ATP13A1: variants seen among roughly 807,000 people sequenced by gnomAD.
ATP13A1 encodes ATPase 13A1, also known as endoplasmic reticulum transmembrane helix translocase.
ATP13A1 carries 55 observed loss-of-function variants against 134.8 expected under a neutral mutation model. The observed-to-expected ratio is 0.41, with a 90% CI of 0.33 to 0.51. The LOEUF (loss-of-function observed/expected upper bound fraction) is 0.51, where lower values mean the gene tolerates loss of function less well. ATP13A1 is among the 20% of genes least tolerant of loss of function. The pLI is 0.29. For missense variants in ATP13A1, 1,389 were observed against 1,652.8 expected, an observed-to-expected ratio of 0.84 and a Z score of 2.77; for synonymous variants, 775 against 725.1, an observed-to-expected ratio of 1.07 and a Z score of -1.10.
rs907835437 is a variant in ATP13A1, at chr19:19,650,076, C to T, written c.2336-136G>A. 9.1e-6 allele frequency: 7 copies of T among 768,146 alleles called. No individual in the cohort carries two copies. In the African/African-American group the frequency reaches 1.0e-4, roughly 11 times the overall value. The allele number at this position is 768,146 out of a possible 1,614,324, so 47.6% of individuals were successfully genotyped here. A position where few individuals can be genotyped will look rare whatever the true frequency, so the allele number is the denominator to read the frequency against. The stretch of plus-strand genomic sequence containing the variant: ...ACCTCCCTACCCACCCAGGTGACCC[C>T]CAGCCCTTCTCTGGGGACTCCACAA... On this transcript the variant is annotated intron_variant, in intron 17 of 25. Coordinates refer to ENST00000357324, the MANE Select transcript of ATP13A1 (RefSeq NM_020410.3).
rs138162868 is a variant in ATP13A1 at position 19,659,704 on chromosome 19, C to T, written c.574G>A (p.Val192Met). ...DALEKKQFLP[V>M]AFPVGNAFSY... ...AAGGCGTTTCCCACAGGAAAGGCCACGGGGAGAAACTGCTTCTTCTCCAGG... is the reference window on the plus strand; with the variant it reads ...AAGGCGTTTCCCACAGGAAAGGCCATGGGGAGAAACTGCTTCTTCTCCAGG... The change falls in exon 3 of 26, where the codon GTG becomes ATG. Residue 192 changes from valine (V) to methionine (M), a missense_variant. Coordinates refer to ENST00000357324, the MANE Select transcript of ATP13A1 (RefSeq NM_020410.3). 733 of 1,613,816 alleles carry T rather than the reference C, an allele frequency of 4.5e-4. No individual in the cohort carries two copies. Among genetic ancestry groups the T allele is most frequent in the Non-Finnish European group, 4.6e-4 (545 of 1,179,888 alleles).
In ATP13A1 at chr19:19,657,109, T is replaced by C; in HGVS notation, c.791A>G (p.Tyr264Cys). The C allele has an allele frequency of 2.0e-6, 3 of 1,522,914 alleles. No homozygotes were observed. In the South Asian group the frequency reaches 4.0e-5, roughly 20 times the overall value. 94.3% of individuals were successfully genotyped at this position (1,522,914 alleles called of 1,614,324 possible). ...VGLWCLDEYW[Y>C]YSVFTLSMLV... ...CATGGATAGCGTAAAGACGCTGTAG[T>C]ACCAGTACTCATCCAGGCACCAGAG... The change falls in exon 5 of 26, where the codon TAC (tyrosine) becomes TGC (cysteine). Residue 264 changes from tyrosine (Y) to cysteine (C), a missense_variant. Physicochemically the swap from Tyr to Cys is radical, Grantham distance 194. Coordinates refer to ENST00000357324, the MANE Select transcript of ATP13A1 (RefSeq NM_020410.3).
At chr19:19,652,372 C>T (rs1037505581) in intron 16 of ATP13A1, among the ~76,000 whole-genome samples, 3 of 152,240 alleles carry the variant, frequency 2.0e-5, no homozygotes, top group Middle Eastern at 3.4e-3. Context: ...TCCCATGATG[C>T]GGGGAGTGAA....
chr19:19,662,013 G>A, intron 1 of ATP13A1: 1 of 1,548,164 alleles, frequency 6.5e-7, no homozygotes, highest in Non-Finnish European at 8.7e-7. Context: ...ACAGAAGGGG[G>A]AAACTGAAAC....
Position 19,647,585 on chromosome 19 carries a change from C to A in ATP13A1, c.2793+14G>T. The A allele has an allele frequency of 6.2e-7, 1 of 1,613,324 alleles. No homozygotes were observed. On this transcript the variant is annotated intron_variant, in intron 20 of 25. Transcript: ENST00000357324. The surrounding 1 kb of genome is among the most constrained non-coding windows in gnomAD (Gnocchi z 4.8). ...GCCAGGATGGGGTGCAGCACCTCCC[C>A]TCTTGGGACTCACCCTCTGGGAGGT... is the stretch of plus-strand genomic sequence containing the variant.
In ATP13A1 at chr19:19,659,946, T is replaced by G. The variant is rs1227963177; in HGVS notation, c.438A>C (p.Pro146=). The part of the protein sequence containing the change: ...PSKATFVKVV[P]TPNNGSTELV... ...GCTCCGTGGAGCCATTGTTGGGGGT[T>G]GGCACCACCTTCACAAAGGTCGCTT... Residue 146 remains proline, a synonymous_variant, in exon 2 of 26, where the codon CCA becomes CCC. Transcript: ENST00000357324. 2 of 1,585,658 alleles carry G rather than the reference T, an allele frequency of 1.3e-6. No individual in the cohort carries two copies. The highest frequency in any genetic ancestry group is 1.7e-6 in the Non-Finnish European group (2 of 1,167,386).
At chr19:19,658,436 C>T (rs1317070929) in intron 3 of ATP13A1, among the ~76,000 whole-genome samples, 5 of 152,208 alleles carry the variant, frequency 3.3e-5, no homozygotes, top group African/African-American at 9.7e-5. Flanking sequence ...GTAGTTGCCA[C>T]AGGCCATTAA....
In ATP13A1 at chr19:19,655,124, C is replaced by T. The variant is rs558065098; in HGVS notation, c.1650G>A (p.Gly550=). 11 of 1,613,706 alleles carry T rather than the reference C, an allele frequency of 6.8e-6. No individual in the cohort carries two copies. The highest frequency in any genetic ancestry group is 2.7e-5 in the African/African-American group (2 of 74,926). The change falls in exon 12 of 26, where the codon GGG becomes GGA. Residue 550 remains glycine, a synonymous_variant. Coordinates refer to ENST00000357324, the MANE Select transcript of ATP13A1 (RefSeq NM_020410.3). The surrounding 1 kb of genome is among the most constrained non-coding windows in gnomAD (Gnocchi z 5.7). ...SDSLVVRGVA[G]LRDGKEVTPV... The stretch of plus-strand genomic sequence containing the variant: ...GCAGGGCCCCTGATGCTTACCTCAG[C>T]CCGGCCACACCGCGCACCACCAGGC...
intron 12 of ATP13A1, among the ~76,000 whole-genome samples, 187 bp from the exon 13 acceptor site, chr19:19,654,887 T>A (rs1434314155): frequency 6.6e-6 from 1 of 152,222 alleles, no homozygotes. Flanking sequence ...GCATTGTGCC[T>A]GGGGGTCATG....
At chr19:19,659,839 T>C (rs1182027770) in intron 2 of ATP13A1, 48 bp from the exon 3 acceptor site, 3 of 1,599,738 alleles carry the variant, frequency 1.9e-6, no homozygotes, top group Non-Finnish European at 2.6e-6. Context: ...CCTTGGGGTG[T>C]CAGCGCCTGG....
Position 19,647,718 on chromosome 19 carries a change from G to C in ATP13A1, c.2674C>G (p.Arg892Gly). 1.2e-6 allele frequency: 2 copies of C among 1,607,510 alleles called. No individual in the cohort carries two copies. The highest frequency in any genetic ancestry group is 3.4e-5 in the Admixed American group (2 of 59,578). The change falls in exon 20 of 26, where the codon CGG becomes GGG. Residue 892 changes from arginine (R) to glycine (G), a missense_variant. Physicochemically the swap from Arg to Gly is moderately radical, Grantham distance 125. Around this residue, in one of 4 missense-constraint regions of ATP13A1, gnomAD observed 121 missense variants for 104.9 expected, o/e 1.15. Coordinates refer to ENST00000357324, the MANE Select transcript of ATP13A1 (RefSeq NM_020410.3). The surrounding 1 kb of genome is among the most constrained non-coding windows in gnomAD (Gnocchi z 4.8). ...GGGCTGTCCCGGGGCCGCCGTCGCC[G>C]CTCGACAACCCGCTCAGGGGCATTG... is the stretch of plus-strand genomic sequence containing the variant. ...LANAPERVVE[R>G]RRRPRDSPTL...
Position 19,663,338 on chromosome 19 carries a change from G to C in ATP13A1, c.329C>G (p.Ala110Gly), listed in dbSNP as rs777342734. The change falls in exon 1 of 26, where the codon GCG becomes GGG. Residue 110 changes from alanine (A) to glycine (G), a missense_variant. Ala to Gly is a moderately conservative substitution (Grantham distance 60). This residue lies in a region of ATP13A1 where 293 missense variants were observed against 270.8 expected (regional missense o/e 1.08). Transcript: ENST00000357324. ...CCCCGAGAGGACAGTGAGCGCGTGC[G>C]CGAGGCAGATGGTGGCAAGCACGAG... ...ALLVLATICL[A>G]HALTVLSGHW... The C allele has an allele frequency of 5.0e-6, 8 of 1,592,292 alleles. No individual in the cohort carries two copies.
intron 1 of ATP13A1, chr19:19,661,948 T>C: frequency 2.3e-6 from 3 of 1,314,962 alleles, no homozygotes; most frequent in South Asian, 1.4e-5. Context: ...TCTGCAGATA[T>C]CATCTCCGCT....
Position 19,647,365 on chromosome 19 carries a change from G to A in ATP13A1, c.2909-40C>T. 4 of 1,608,316 alleles carry A rather than the reference G, an allele frequency of 2.5e-6. No individual in the cohort carries two copies. The highest frequency in any genetic ancestry group is 3.4e-6 in the Non-Finnish European group (4 of 1,176,698). On this transcript the variant is annotated intron_variant, in intron 21 of 25. Transcript: ENST00000357324. The surrounding 1 kb of genome is among the most constrained non-coding windows in gnomAD (Gnocchi z 4.8). Reference sequence around the variant, plus strand: ...GGAGGCAGGTGTGGGTGTGGGTAGGGGTGCCAAGGGGGGAATGAAGGGAGG... The same window carrying A: ...GGAGGCAGGTGTGGGTGTGGGTAGGAGTGCCAAGGGGGGAATGAAGGGAGG...
chr19:19,656,604 C>T lies in ATP13A1; in HGVS notation c.1083+56G>A, dbSNP rs2145011867. 6.4e-7 allele frequency: 1 copy of T among 1,562,058 alleles called. No individual in the cohort carries two copies. The highest frequency in any genetic ancestry group is 8.7e-7 in the Non-Finnish European group (1 of 1,147,656). On this transcript the variant is annotated intron_variant, in intron 7 of 25. Transcript: ENST00000357324. This position sits in a 1 kb window ranked among gnomAD's most constrained non-coding sequence, Gnocchi z 4.6. ...ATCCCCGCCACCCCCTGGGCCTCCA[C>T]CTCCTGGCCTGTTTCCTCCTGAACA...
chr19:19,655,808 G>T lies in ATP13A1; in HGVS notation c.1269+70C>A. 6.5e-7 allele frequency: 1 copy of T among 1,538,558 alleles called. No homozygotes were observed. The highest frequency in any genetic ancestry group is 2.0e-5 in the Admixed American group (1 of 51,280). On this transcript the variant is annotated intron_variant, in intron 9 of 25. Transcript: ENST00000357324. The surrounding 1 kb of genome is among the most constrained non-coding windows in gnomAD (Gnocchi z 5.7). Reference sequence around the variant, plus strand: ...CAGCCCGTGGGGCAGATGTTCTGGGGTCGGAAAGGGCTGATACCTTGGCTG... The same window carrying T: ...CAGCCCGTGGGGCAGATGTTCTGGGTTCGGAAAGGGCTGATACCTTGGCTG...
At chr19:19,660,902 A>C (rs1259306743) in intron 1 of ATP13A1, among the ~76,000 whole-genome samples, 4 of 151,762 alleles carry the variant, frequency 2.6e-5, no homozygotes, top group Non-Finnish European at 5.9e-5. Flanking sequence ...AATATGGTGA[A>C]ACCCCGTCTC....
At position 19,655,877 on chromosome 19, in the gene ATP13A1, C is replaced by T; in HGVS notation, c.1269+1G>A. ...CGCCCTCCCCAGACCTGGCCCCGCA[C>T]CTGGGATGTGTTGAATCCGGTCCGC... On this transcript the variant is annotated splice_donor_variant, in intron 9 of 25. Coordinates refer to ENST00000357324, the MANE Select transcript of ATP13A1 (RefSeq NM_020410.3). LOFTEE classifies it high-confidence loss of function. The surrounding 1 kb of genome is among the most constrained non-coding windows in gnomAD (Gnocchi z 5.7). 2 of 1,584,018 alleles carry T rather than the reference C, an allele frequency of 1.3e-6. No individual in the cohort carries two copies. Among genetic ancestry groups the T allele is most frequent in the Non-Finnish European group, 1.7e-6 (2 of 1,170,564 alleles).
chr19:19,652,449 C>A, intron 16 of ATP13A1, 146 bp downstream of exon 16: 1 of 1,236,794 alleles, frequency 8.1e-7, no homozygotes, highest in Non-Finnish European at 1.1e-6. Flanking sequence ...GGGCCAGTGG[C>A]AATGTTAGCA....
Sources: allele counts gnomAD v4.1 joint callset (sites outside exome capture counted in the v4.1 genomes callset), GRCh38; gene constraint gnomAD v4.1.1; regional missense constraint gnomAD v4.1.1; non-coding constraint Gnocchi (gnomAD v3.1); transcripts MANE v1.5; gene names NCBI Gene and HGNC (gene_info 2026-07-23, HGNC 2026-07-21).